Variants in MET observed in about 807,000 individuals in gnomAD.
MET encodes the protein MET proto-oncogene, receptor tyrosine kinase, also known as hepatocyte growth factor receptor.
Under a neutral mutation model 133.1 loss-of-function variants are expected in MET, and 48 were observed. That is an observed-to-expected ratio of 0.36 (90% CI 0.29 to 0.46). The LOEUF is 0.46. Among genes scored for constraint, MET ranks in the 20% least tolerant of loss-of-function variants. The pLI is 1.00. For synonymous variants in MET, 628 were observed against 616.5 expected (o/e 1.02, Z -0.28); for missense variants, 1,442 against 1,695.9 (o/e 0.85, Z 2.63).
At chr7:116,751,802 C>T (rs995841732) in intron 5 of MET, among the ~76,000 whole-genome samples, 4 of 152,110 alleles carry the variant, frequency 2.6e-5, no homozygotes, top group African/African-American at 9.7e-5. Context: ...TGGCTCATGT[C>T]TGTAATCCCA....
chr7:116,745,349 A>G (rs1009937544), intron 5 of MET, among the ~76,000 whole-genome samples: 2 of 152,220 alleles, frequency 1.3e-5, no homozygotes, highest in African/African-American at 4.8e-5. Context: ...AAATGGCCAT[A>G]CTGCCCAAGG....
chr7:116,783,322 A>G lies in MET; in HGVS notation c.3651A>G (p.Thr1217=). Residue 1217 remains threonine, a synonymous_variant, in exon 19 of 21, where the codon ACA becomes ACG. Coordinates refer to ENST00000397752, the MANE Select transcript of MET (RefSeq NM_000245.4). ...ARNCMLDEKF[T]VKVADFGLAR... ...TCTGTAGGCTGGATGAAAAATTCACAGTCAAGGTTGCTGATTTTGGTCTTG... is the reference window on the plus strand; with the variant it reads ...TCTGTAGGCTGGATGAAAAATTCACGGTCAAGGTTGCTGATTTTGGTCTTG... The G allele has an allele frequency of 1.2e-6, 2 of 1,614,150 alleles. No homozygotes were observed. The highest frequency in any genetic ancestry group is 1.7e-6 in the Non-Finnish European group (2 of 1,180,006).
chr7:116,767,520 T>C (rs1562927973), intron 11 of MET, among the ~76,000 whole-genome samples: 1 of 152,118 alleles, frequency 6.6e-6, no homozygotes, highest in Non-Finnish European at 1.5e-5. Flanking sequence ...TTCTGGATAA[T>C]AGTTCTCCAT....
At chr7:116,708,583 T>C (rs1236077524) in intron 2 of MET, among the ~76,000 whole-genome samples, 5 of 152,202 alleles carry the variant, frequency 3.3e-5, no homozygotes, top group African/African-American at 1.2e-4. Flanking sequence ...ATGAATTAAG[T>C]TACTTTTTAT....
intron 10 of MET, among the ~76,000 whole-genome samples, chr7:116,762,351 G>A (rs1225923801): frequency 6.6e-6 from 1 of 152,140 alleles, no homozygotes; most frequent in Non-Finnish European, 1.5e-5. Flanking sequence ...GCAAAGCTCA[G>A]TTTCTTCATT....
intron 5 of MET, among the ~76,000 whole-genome samples, chr7:116,751,990 G>T (rs757294942): frequency 1.3e-5 from 2 of 152,112 alleles, no homozygotes; most frequent in Non-Finnish European, 2.9e-5. Context: ...GAACCTGGGT[G>T]GCGGAGCTTG....
intron 5 of MET, among the ~76,000 whole-genome samples, chr7:116,750,551 A>G (rs1793876827): frequency 6.6e-6 from 1 of 152,254 alleles, no homozygotes; most frequent in Non-Finnish European, 1.5e-5. Flanking sequence ...AAACACCAAA[A>G]GCAATGGCAA....
chr7:116,750,398 G>A (rs1793870390), intron 5 of MET, among the ~76,000 whole-genome samples: 1 of 152,106 alleles, frequency 6.6e-6, no homozygotes, highest in South Asian at 2.1e-4. Flanking sequence ...ACTGAAACTG[G>A]ACCCCTTCCT....
At chr7:116,746,934 T>C (rs1793714583) in intron 5 of MET, among the ~76,000 whole-genome samples, 1 of 151,610 alleles carries the variant, frequency 6.6e-6, no homozygotes, top group East Asian at 1.9e-4. Context: ...TAATAAAAAA[T>C]ATATATAAAA....
chr7:116,790,742 C>T lies in MET; in HGVS notation c.3799-4913C>T, dbSNP rs561591351. ...TTTTTATTTTTGAGTAGTATTCCATCGTACAGATGTACCACATTTTATTTA... is the reference window on the plus strand; with the variant it reads ...TTTTTATTTTTGAGTAGTATTCCATTGTACAGATGTACCACATTTTATTTA... On this transcript the variant is annotated intron_variant, in intron 19 of 20. Coordinates refer to ENST00000397752, the MANE Select transcript of MET (RefSeq NM_000245.4). Among the ~76,000 whole-genome samples the T allele has an allele frequency of 5.9e-5, 9 of 152,224 alleles. No homozygotes were observed. The South Asian group carries it at 1.0e-3, about 18-fold the overall frequency.
intron 3 of MET, among the ~76,000 whole-genome samples, chr7:116,732,671 AT>A (rs975739027): frequency 7.2e-5 from 11 of 152,292 alleles, no homozygotes; most frequent in African/African-American, 2.4e-4. Context: ...AGATTTCGTA[AT>A]TGTCTGATGT....
rs534739750 is a variant in MET at position 116,738,789 on chromosome 7, C to T, written c.1393-1161C>T. Among the ~76,000 whole-genome samples the T allele has an allele frequency of 3.9e-5, 6 of 152,258 alleles. No homozygotes were observed. The East Asian group carries it at 9.6e-4, about 24-fold the overall frequency. ...AAAAATTTACAATTGTTCCCCAGAA[C>T]ATTTATATGTTGTATGTGTTTGTTA... On this transcript the variant is annotated intron_variant, in intron 3 of 20. Coordinates refer to ENST00000397752, the MANE Select transcript of MET (RefSeq NM_000245.4).
chr7:116,691,693 T>C (rs1166801810), intron 1 of MET, among the ~76,000 whole-genome samples: 1 of 152,156 alleles, frequency 6.6e-6, no homozygotes, highest in Non-Finnish European at 1.5e-5. Context: ...CTCCACATAG[T>C]GGCAAAGATG....
chr7:116,693,555 A>G (rs1395299343), intron 1 of MET, among the ~76,000 whole-genome samples: 2 of 152,206 alleles, frequency 1.3e-5, no homozygotes, highest in Non-Finnish European at 2.9e-5. Flanking sequence ...GGCCCTCTCC[A>G]GTGTTTGACC....
chr7:116,778,819 A>T lies in MET; in HGVS notation c.3384A>T (p.Gly1128=), dbSNP rs200340066. 2 of 1,614,084 alleles carry T rather than the reference A, an allele frequency of 1.2e-6. No individual in the cohort carries two copies. Among genetic ancestry groups the T allele is most frequent in the South Asian group, 2.2e-5 (2 of 91,080 alleles). The part of the protein sequence containing the change: ...IGEVSQFLTE[G]IIMKDFSHPN... ...AAGTTTCCCAATTTCTGACCGAGGG[A>T]ATCATCATGAAAGATTTTAGTCATC... Residue 1128 remains glycine, a synonymous_variant, in exon 17 of 21, where the codon GGA becomes GGT. Transcript: ENST00000397752.
At chr7:116,697,013 G>A (rs1189682261) in intron 1 of MET, among the ~76,000 whole-genome samples, 1 of 152,086 alleles carries the variant, frequency 6.6e-6, no homozygotes, top group East Asian at 1.9e-4. Flanking sequence ...CCTGCTTCCT[G>A]GTGAATAATG....
intron 19 of MET, among the ~76,000 whole-genome samples, chr7:116,784,739 A>G (rs758892892): frequency 6.6e-6 from 1 of 152,092 alleles, no homozygotes; most frequent in Non-Finnish European, 1.5e-5. Flanking sequence ...ATTCCGCCCT[A>G]GTTCCTCCCA....
chr7:116,725,182 C>T (rs1254288799), intron 2 of MET, among the ~76,000 whole-genome samples: 1 of 152,130 alleles, frequency 6.6e-6, no homozygotes, highest in Admixed American at 6.5e-5. Context: ...TGACTCAACT[C>T]TCTGAATCTT....
rs2116596770 is a variant in MET at position 116,699,829 on chromosome 7, T to C, written c.745T>C (p.Tyr249His). 1 of 1,614,146 alleles carries C rather than the reference T, an allele frequency of 6.2e-7. No homozygotes were observed. Among genetic ancestry groups the C allele is most frequent in the African/African-American group, 1.3e-5 (1 of 75,054 alleles). ...GTTCAGAGATTCTTACCCCATTAAGTATGTCCATGCCTTTGAAAGCAACAA... is the reference window on the plus strand; with the variant it reads ...GTTCAGAGATTCTTACCCCATTAAGCATGTCCATGCCTTTGAAAGCAACAA... ...PEFRDSYPIK[Y>H]VHAFESNNFI... The change falls in exon 2 of 21, where the codon TAT becomes CAT. Residue 249 changes from tyrosine (Y) to histidine (H), a missense_variant. Around this residue, in one of 6 missense-constraint regions of MET, gnomAD observed 762 missense variants for 792.4 expected, o/e 0.96. Coordinates refer to ENST00000397752, the MANE Select transcript of MET (RefSeq NM_000245.4).
Sources: allele counts gnomAD v4.1 joint callset (sites outside exome capture counted in the v4.1 genomes callset), GRCh38; gene constraint gnomAD v4.1.1; regional missense constraint gnomAD v4.1.1; transcripts MANE v1.5; gene names NCBI Gene and HGNC (gene_info 2026-07-23, HGNC 2026-07-21).